Variants in VSTM2L observed in about 807,000 individuals in gnomAD.
VSTM2L encodes the protein V-set and transmembrane domain containing 2 like, also known as V-set and transmembrane domain-containing protein 2-like protein.
Under a neutral mutation model 19.9 loss-of-function variants are expected in VSTM2L, and 9 were observed. The observed-to-expected ratio is 0.45, with a 90% CI of 0.27 to 0.79. VSTM2L has a LOEUF of 0.79. Among genes scored for constraint, VSTM2L ranks in the 30% least tolerant of loss-of-function variants. The probability of loss-of-function intolerance (pLI) is 0.15; values close to 1 mark genes in which losing one functional copy is unlikely to be tolerated. For synonymous variants in VSTM2L, 127 were observed against 133.8 expected (o/e 0.95, Z 0.35); for missense variants, 286 against 295.5 (o/e 0.97, Z 0.24).
intron 1 of VSTM2L, among the ~76,000 whole-genome samples, chr20:37,931,290 G>C (rs1372777343): frequency 6.6e-6 from 1 of 152,186 alleles, no homozygotes; most frequent in East Asian, 1.9e-4. Flanking sequence ...GGAAGCGGCA[G>C]CTCCTCCCTG....
chr20:37,944,571 G>C lies in VSTM2L; in HGVS notation c.*318G>C. 2 of 1,140,884 alleles carry C rather than the reference G, an allele frequency of 1.8e-6. No homozygotes were observed. The highest frequency in any genetic ancestry group is 2.2e-6 in the Non-Finnish European group (2 of 930,180). The allele number at this position is 1,140,884 out of a possible 1,614,324, so 70.7% of individuals were successfully genotyped here. On this transcript the variant is annotated 3_prime_UTR_variant, in exon 4 of 4. Coordinates refer to ENST00000373461, the MANE Select transcript of VSTM2L (RefSeq NM_080607.3). ...CCTTCCTGTCACCAGCTTCTGTGGAGTCCAGTGTTTTGCTTTGCTTGCTTG... is the reference window on the plus strand; with the variant it reads ...CCTTCCTGTCACCAGCTTCTGTGGACTCCAGTGTTTTGCTTTGCTTGCTTG...
intron 1 of VSTM2L, among the ~76,000 whole-genome samples, chr20:37,912,965 C>T (rs375033717): frequency 7.2e-4 from 109 of 152,290 alleles, no homozygotes; most frequent in African/African-American, 2.5e-3. Flanking sequence ...TTGGATCCAT[C>T]TTCCCCTCTC....
intron 2 of VSTM2L, among the ~76,000 whole-genome samples, 178 bp downstream of exon 2, chr20:37,931,982 G>C (rs1179247406): frequency 6.6e-6 from 1 of 152,206 alleles, no homozygotes; most frequent in African/African-American, 2.4e-5. Flanking sequence ...TGATCATGGA[G>C]GCTTATTTGG....
intron 3 of VSTM2L, among the ~76,000 whole-genome samples, chr20:37,941,895 CT>C (rs35678873): frequency 0.11 from 15,322 of 139,944 alleles, 791 homozygotes; most frequent in Middle Eastern, 0.22. Context: ...GGCCCAACTC[CT>C]TTTTTTTTTT....
chr20:37,903,588 G>T (rs2072734289), intron 1 of VSTM2L, 117 bp downstream of exon 1: 10 of 1,300,368 alleles, frequency 7.7e-6, no homozygotes, highest in Non-Finnish European at 8.8e-6. Flanking sequence ...GCATCCCGGG[G>T]CGCCCCCTGC....
intron 3 of VSTM2L, among the ~76,000 whole-genome samples, chr20:37,936,051 ATT>A (rs5841281): frequency 7.2e-6 from 1 of 138,910 alleles, no homozygotes. Flanking sequence ...TACCTAGCTA[ATT>A]TTTTTTTTTT....
chr20:37,917,887 C>G (rs2072829222), intron 1 of VSTM2L, among the ~76,000 whole-genome samples: 1 of 152,196 alleles, frequency 6.6e-6, no homozygotes, highest in Non-Finnish European at 1.5e-5. Flanking sequence ...TTGATGTCTC[C>G]TATTTCATTC....
intron 1 of VSTM2L, among the ~76,000 whole-genome samples, chr20:37,928,303 T>C (rs1024239716): frequency 1.3e-5 from 2 of 152,162 alleles, no homozygotes; most frequent in African/African-American, 4.8e-5. Context: ...CCGTGCAGGC[T>C]CCTCACTATC....
chr20:37,915,438 G>T (rs1214837092), intron 1 of VSTM2L, among the ~76,000 whole-genome samples: 1 of 151,970 alleles, frequency 6.6e-6, no homozygotes, highest in Non-Finnish European at 1.5e-5. Flanking sequence ...AGTCCAAGGG[G>T]CCCGGAGCCT....
chr20:37,927,353 G>GTTT (rs147467369), intron 1 of VSTM2L, among the ~76,000 whole-genome samples: 2,199 of 151,786 alleles, frequency 0.014, 41 homozygotes, highest in African/African-American at 0.048. Context: ...AATTTCACGT[G>GTTT]TTTTTTTTTA....
chr20:37,915,239 C>G (rs2072811410), intron 1 of VSTM2L, among the ~76,000 whole-genome samples: 1 of 152,158 alleles, frequency 6.6e-6, no homozygotes, highest in Admixed American at 6.5e-5. Flanking sequence ...TCTCCATGGC[C>G]CTCAGACACC....
At chr20:37,937,480 C>T (rs916444362) in intron 3 of VSTM2L, among the ~76,000 whole-genome samples, 6 of 152,062 alleles carry the variant, frequency 3.9e-5, no homozygotes, top group South Asian at 2.1e-4. Context: ...GTTTTTCTTT[C>T]GATCTAACTA....
At chr20:37,904,110 G>C (rs765591370) in intron 1 of VSTM2L, among the ~76,000 whole-genome samples, 5 of 152,200 alleles carry the variant, frequency 3.3e-5, no homozygotes, top group Non-Finnish European at 5.9e-5. Context: ...AAGGTCCTTG[G>C]GGGCAGAAGA....
At chr20:37,939,601 C>G (rs2072960131) in intron 3 of VSTM2L, among the ~76,000 whole-genome samples, 1 of 152,106 alleles carries the variant, frequency 6.6e-6, no homozygotes, top group Non-Finnish European at 1.5e-5. Context: ...GCATGGACCA[C>G]AGGGACTGGG....
chr20:37,944,047 G>A lies in VSTM2L; in HGVS notation c.409G>A (p.Glu137Lys), dbSNP rs771171569. ...LRLSRVKPTD[E>K]GTYECRVIDF... ...CCTGTCCCGGGTGAAGCCCACGGAC[G>A]AAGGCACCTACGAGTGCCGCGTCAT... The change falls in exon 4 of 4, where the codon GAA becomes AAA. Residue 137 changes from glutamate to lysine, a missense_variant. Physicochemically the swap from Glu to Lys is moderately conservative, Grantham distance 56 (BLOSUM62 1). Transcript: ENST00000373461. 8 of 1,610,920 alleles carry A rather than the reference G, an allele frequency of 5.0e-6. No homozygotes were observed. Among genetic ancestry groups the A allele is most frequent in the East Asian group, 4.5e-5 (2 of 44,762 alleles).
intron 1 of VSTM2L, among the ~76,000 whole-genome samples, chr20:37,912,805 C>G (rs1464664439): frequency 6.6e-6 from 1 of 152,188 alleles, no homozygotes; most frequent in Non-Finnish European, 1.5e-5. Flanking sequence ...CCCTTACTCT[C>G]TGGATCTCTC....
At chr20:37,921,401 G>A (rs188854055) in intron 1 of VSTM2L, among the ~76,000 whole-genome samples, 2 of 152,278 alleles carry the variant, frequency 1.3e-5, no homozygotes, top group African/African-American at 2.4e-5. Context: ...GCCCAAGTAC[G>A]GGAGCTTCCT....
At chr20:37,911,460 A>G (rs1307208908) in intron 1 of VSTM2L, among the ~76,000 whole-genome samples, 1 of 152,206 alleles carries the variant, frequency 6.6e-6, no homozygotes, top group East Asian at 1.9e-4. Flanking sequence ...CAGCCAGAAC[A>G]CAGCGGGCGG....
intron 3 of VSTM2L, among the ~76,000 whole-genome samples, chr20:37,935,842 A>G (rs2072936472): frequency 6.6e-6 from 1 of 151,844 alleles, no homozygotes; most frequent in Non-Finnish European, 1.5e-5. Context: ...TCACACACAC[A>G]GACATACGCC....
Sources: gnomAD v4.1 joint callset for allele counts (sites outside exome capture counted in the v4.1 genomes callset) on GRCh38, gnomAD v4.1.1 for gene constraint, MANE v1.5 for transcripts, NCBI Gene and HGNC (gene_info 2026-07-23, HGNC 2026-07-21) for gene names.